Variants in CYRIB observed in about 807,000 individuals in gnomAD.
The protein encoded by CYRIB is CYFIP related Rac1 interactor B.
Under a neutral mutation model 44.2 loss-of-function variants are expected in CYRIB, and 8 were observed. The ratio of observed to expected loss-of-function variants is 0.18; its 90% confidence interval spans 0.11 to 0.33. CYRIB has a LOEUF of 0.33. Ranked by LOEUF, CYRIB falls within the 10% of genes least tolerant of loss-of-function variation. CYRIB has a pLI of 1.00. For missense variants in CYRIB, 185 were observed against 382.8 expected, an observed-to-expected ratio of 0.48 and a Z score of 4.31; for synonymous variants, 131 against 127.2, an observed-to-expected ratio of 1.03 and a Z score of -0.20.
chr8:129,935,448 A>C (rs2092624981), intron 1 of CYRIB, among the ~76,000 whole-genome samples: 1 of 152,186 alleles, frequency 6.6e-6, no homozygotes, highest in Non-Finnish European at 1.5e-5. Flanking sequence ...GGATGCCTCT[A>C]ATGCACAATT....
At chr8:129,957,453 A>G (rs2094917267) in intron 2 of CYRIB, among the ~76,000 whole-genome samples, 1 of 152,242 alleles carries the variant, frequency 6.6e-6, no homozygotes, top group Admixed American at 6.5e-5. Flanking sequence ...ACCTAGAAGA[A>G]AAGCAGACAC....
chr8:129,904,130 A>G (rs1410820842), intron 1 of CYRIB, among the ~76,000 whole-genome samples: 1 of 152,330 alleles, frequency 6.6e-6, no homozygotes, highest in East Asian at 1.9e-4. Flanking sequence ...AAATAAGGTT[A>G]TAAGAAGCAA....
chr8:129,978,819 G>A (rs978439712), intron 1 of CYRIB, among the ~76,000 whole-genome samples: 5 of 152,076 alleles, frequency 3.3e-5, no homozygotes, highest in South Asian at 2.1e-4. Flanking sequence ...GCATGCACAC[G>A]AACACACACA....
At chr8:129,929,253 T>A (rs1184718854) in intron 1 of CYRIB, among the ~76,000 whole-genome samples, 2 of 149,190 alleles carry the variant, frequency 1.3e-5, no homozygotes, top group Non-Finnish European at 3.0e-5. Flanking sequence ...GGAGAGAGTG[T>A]GAGAAGGAAA....
intron 1 of CYRIB, among the ~76,000 whole-genome samples, chr8:130,000,574 T>A (rs1169335749): frequency 6.6e-6 from 1 of 151,974 alleles, no homozygotes; most frequent in Non-Finnish European, 1.5e-5. Context: ...AAGCCTACAG[T>A]CCCAGCTACT....
chr8:129,845,048 G>A (rs1164935827), intron 11 of CYRIB, among the ~76,000 whole-genome samples: 1 of 152,080 alleles, frequency 6.6e-6, no homozygotes, highest in Non-Finnish European at 1.5e-5. Context: ...TGCCTCCGTG[G>A]TGCTTTCCTT....
intron 9 of CYRIB, chr8:129,850,579 G>GT: frequency 2.1e-6 from 1 of 468,640 alleles, no homozygotes; most frequent in Non-Finnish European, 3.8e-6. Context: ...TCTGAGAAGA[G>GT]AACTAAGAGT....
intron 2 of CYRIB, among the ~76,000 whole-genome samples, chr8:129,893,109 A>G (rs942658483): frequency 6.6e-6 from 1 of 152,236 alleles, no homozygotes; most frequent in African/African-American, 2.4e-5. Context: ...ATGCCCAACA[A>G]AAAAGCTTAG....
intron 2 of CYRIB, among the ~76,000 whole-genome samples, chr8:129,885,824 A>G (rs757606685): frequency 1.3e-5 from 2 of 151,412 alleles, no homozygotes; most frequent in Non-Finnish European, 2.9e-5. Flanking sequence ...AAAAATTCTT[A>G]CCTTTCTCAT....
chr8:129,931,157 A>AAAAG (rs201941389), intron 1 of CYRIB, among the ~76,000 whole-genome samples: 4 of 152,078 alleles, frequency 2.6e-5, no homozygotes, highest in African/African-American at 9.7e-5. Flanking sequence ...CCTAAAAAAA[A>AAAAG]AAAGAAAGAA....
At chr8:129,921,780 CA>C (rs1451001054) in intron 1 of CYRIB, among the ~76,000 whole-genome samples, 1 of 151,956 alleles carries the variant, frequency 6.6e-6, no homozygotes, top group Non-Finnish European at 1.5e-5. Flanking sequence ...TATCAAGAAA[CA>C]AAGCAGACAA....
intron 1 of CYRIB, among the ~76,000 whole-genome samples, chr8:129,989,920 T>C (rs914262527): frequency 2.0e-5 from 3 of 151,926 alleles, no homozygotes; most frequent in Non-Finnish European, 4.4e-5. Context: ...TTGCGATAGT[T>C]TGCTGAGAAT....
At chr8:129,967,734 G>A (rs953638683) in intron 2 of CYRIB, among the ~76,000 whole-genome samples, 3 of 152,160 alleles carry the variant, frequency 2.0e-5, no homozygotes, top group African/African-American at 7.2e-5. Context: ...GTAGACTACA[G>A]TGAAAACTGA....
intron 1 of CYRIB, among the ~76,000 whole-genome samples, chr8:129,981,274 G>C (rs1418294571): frequency 2.0e-5 from 3 of 152,148 alleles, no homozygotes; most frequent in Non-Finnish European, 1.5e-5. Flanking sequence ...AGAATGGCTG[G>C]AACTACAGGC....
chr8:129,954,750 T>A (rs192053561), intron 2 of CYRIB, among the ~76,000 whole-genome samples: 1 of 152,314 alleles, frequency 6.6e-6, no homozygotes, highest in East Asian at 1.9e-4. Flanking sequence ...TTTATGTCTA[T>A]ACTGTCTTTA....
chr8:129,842,603 T>C (rs1044981798), intron 11 of CYRIB, among the ~76,000 whole-genome samples: 1 of 152,180 alleles, frequency 6.6e-6, no homozygotes, highest in African/African-American at 2.4e-5. Context: ...ACCTTTTGGA[T>C]GACTGGGGGG....
At chr8:129,987,782 G>A (rs1314162421) in intron 1 of CYRIB, among the ~76,000 whole-genome samples, 1 of 151,972 alleles carries the variant, frequency 6.6e-6, no homozygotes, top group Non-Finnish European at 1.5e-5. Flanking sequence ...ATGTTGGCCA[G>A]GCTGGTCTCA....
At chr8:129,984,213 G>A (rs1271639304) in intron 1 of CYRIB, among the ~76,000 whole-genome samples, 3 of 152,214 alleles carry the variant, frequency 2.0e-5, no homozygotes. Flanking sequence ...AGGGACAACA[G>A]TCAGAGGGCT....
At chr8:129,925,157 G>T (rs371694653) in intron 1 of CYRIB, among the ~76,000 whole-genome samples, 5 of 152,112 alleles carry the variant, frequency 3.3e-5, no homozygotes, top group African/African-American at 1.2e-4. Flanking sequence ...CAGCACTTTG[G>T]GAGGCCGAGG....
Sources: allele counts gnomAD v4.1 joint callset (sites outside exome capture counted in the v4.1 genomes callset), GRCh38; gene constraint gnomAD v4.1.1; transcripts MANE v1.5; gene names NCBI Gene and HGNC (gene_info 2026-07-23, HGNC 2026-07-21).